MPDZ: variants seen among roughly 807,000 people sequenced by gnomAD.
The protein encoded by MPDZ is multiple PDZ domain protein.
Under a neutral mutation model 239.1 loss-of-function variants are expected in MPDZ, and 234 were observed. The ratio of observed to expected loss-of-function variants is 0.98; its 90% CI spans 0.88 to 1.09. MPDZ has a LOEUF of 1.09. MPDZ is among the 50% of genes least tolerant of loss of function. The probability of loss-of-function intolerance (pLI) is 0.00; values close to 1 mark genes in which losing one functional copy is unlikely to be tolerated. For missense variants in MPDZ, 3,175 were observed against 2,510.0 expected (o/e 1.26, Z -5.66); for synonymous variants, 1,048 against 881.3 (o/e 1.19, Z -3.35).
rs1941527892 is a variant in MPDZ, at chr9:13,106,819, A to G, written c.*146T>C. Reference sequence around the variant, plus strand: ...TTGTCAGTAAGGAAAGCATTTCTAGATGAGAAAAAGAAACTTAAGTGTTAT... The same window carrying G: ...TTGTCAGTAAGGAAAGCATTTCTAGGTGAGAAAAAGAAACTTAAGTGTTAT... On this transcript the variant is annotated 3_prime_UTR_variant, in exon 47 of 47. Transcript: ENST00000319217. 1.2e-6 allele frequency: 1 copy of G among 827,170 alleles called. No individual in the cohort carries two copies. The highest frequency in any genetic ancestry group is 2.6e-5 in the Admixed American group (1 of 38,830). 51.2% of individuals were successfully genotyped at this position (827,170 alleles called of 1,614,324 possible). A position where few individuals can be genotyped will look rare whatever the true frequency, so the allele number is the denominator to read the frequency against.
chr9:13,176,761 T>C (rs1329521822), intron 19 of MPDZ, among the ~76,000 whole-genome samples: 2 of 152,150 alleles, frequency 1.3e-5, no homozygotes, highest in East Asian at 1.9e-4. Context: ...GCAAGTAGCA[T>C]ACTTCCAAAT....
At chr9:13,152,501 G>C (rs1587298190) in intron 24 of MPDZ, among the ~76,000 whole-genome samples, 1 of 152,202 alleles carries the variant, frequency 6.6e-6, no homozygotes, top group East Asian at 1.9e-4. Context: ...TCTCTTGTCT[G>C]CCACCATGTG....
chr9:13,257,020 A>C (rs1303612947), intron 1 of MPDZ, among the ~76,000 whole-genome samples: 2 of 152,192 alleles, frequency 1.3e-5, no homozygotes, highest in African/African-American at 4.8e-5. Context: ...TGTATCCCCC[A>C]TGTTCCAAGG....
intron 12 of MPDZ, among the ~76,000 whole-genome samples, chr9:13,199,613 G>C (rs946593098): frequency 3.3e-5 from 5 of 151,922 alleles, no homozygotes; most frequent in African/African-American, 1.2e-4. Context: ...ACTTTTCTCT[G>C]TTCGGTATAT....
At chr9:13,237,158 G>A (rs966440161) in intron 3 of MPDZ, among the ~76,000 whole-genome samples, 3 of 151,802 alleles carry the variant, frequency 2.0e-5, no homozygotes, top group African/African-American at 7.3e-5. Context: ...AAAATGGTAA[G>A]CAGGCCAGGA....
At chr9:13,207,498 C>A (rs2135740422) in intron 10 of MPDZ, among the ~76,000 whole-genome samples, 1 of 152,312 alleles carries the variant, frequency 6.6e-6, no homozygotes, top group Admixed American at 6.5e-5. Context: ...CCTGTTACCT[C>A]AGCCTGGACT....
chr9:13,208,232 C>A (rs1476391644), intron 10 of MPDZ, among the ~76,000 whole-genome samples: 1 of 152,098 alleles, frequency 6.6e-6, no homozygotes, highest in Non-Finnish European at 1.5e-5. Flanking sequence ...CTGCTTGAGC[C>A]CAACAGTTTG....
chr9:13,271,661 C>G (rs536080322), intron 1 of MPDZ, among the ~76,000 whole-genome samples: 1 of 152,300 alleles, frequency 6.6e-6, no homozygotes, highest in African/African-American at 2.4e-5. Context: ...AATTCACAGG[C>G]CTCACTTATA....
chr9:13,211,093 T>G (rs1055060183), intron 10 of MPDZ, among the ~76,000 whole-genome samples: 7 of 152,108 alleles, frequency 4.6e-5, no homozygotes, highest in Non-Finnish European at 8.8e-5. Flanking sequence ...ATAGCGGGCT[T>G]CTAATATGCC....
intron 22 of MPDZ, chr9:13,165,618 G>C: frequency 2.3e-6 from 1 of 443,750 alleles, no homozygotes; most frequent in South Asian, 5.8e-5. Flanking sequence ...TTATTAACAA[G>C]CATGAAAAAA....
At chr9:13,152,064 T>C (rs1459619626) in intron 24 of MPDZ, among the ~76,000 whole-genome samples, 1 of 152,054 alleles carries the variant, frequency 6.6e-6, no homozygotes, top group Non-Finnish European at 1.5e-5. Context: ...ATATATTAAG[T>C]AATCAAAAAA....
At position 13,176,396 on chromosome 9, in the gene MPDZ, C is replaced by T; in HGVS notation, c.2671G>A (p.Asp891Asn). The T allele has an allele frequency of 1.3e-6, 2 of 1,575,280 alleles. No homozygotes were observed. The highest frequency in any genetic ancestry group is 1.7e-6 in the Non-Finnish European group (2 of 1,160,278). Residue 891 changes from aspartate to asparagine, a missense_variant, in exon 20 of 47, where the codon GAT (aspartate) becomes AAT (asparagine). Physicochemically the swap from Asp to Asn is conservative, Grantham distance 23 (BLOSUM62 1). Transcript: ENST00000319217. ...GACATATGCAGATCAAGTACTGGAT[C>T]ACAAGAATTTTCAATAACATCCTGG... is the stretch of plus-strand genomic sequence containing the variant. ...PPKDVIENSC[D>N]PVLDLHMSLE...
intron 26 of MPDZ, 44 bp from the exon 27 acceptor site, chr9:13,143,608 T>TGAA (rs544316446): frequency 1.7e-4 from 254 of 1,494,322 alleles, no homozygotes; most frequent in Non-Finnish European, 2.3e-4. Context: ...GGAAATGTAT[T>TGAA]GAAAACAACT....
intron 1 of MPDZ, among the ~76,000 whole-genome samples, chr9:13,264,749 T>G (rs2138936616): frequency 6.6e-6 from 1 of 152,264 alleles, no homozygotes; most frequent in South Asian, 2.1e-4. Context: ...TACTTTTCAT[T>G]CATAATGTTC....
At chr9:13,244,131 A>G (rs1271461319) in intron 3 of MPDZ, among the ~76,000 whole-genome samples, 1 of 152,214 alleles carries the variant, frequency 6.6e-6, no homozygotes, top group African/African-American at 2.4e-5. Context: ...CAGGGTAAAA[A>G]GATTAATTTA....
At chr9:13,151,120 G>A (rs777262596) in intron 24 of MPDZ, among the ~76,000 whole-genome samples, 6 of 151,822 alleles carry the variant, frequency 4.0e-5, no homozygotes, top group Non-Finnish European at 7.4e-5. Context: ...ACATCCAACA[G>A]GATGGCTACT....
At chr9:13,195,978 G>T in intron 13 of MPDZ, 143 bp downstream of exon 13, 3 of 514,110 alleles carry the variant, frequency 5.8e-6, no homozygotes, top group Non-Finnish European at 1.0e-5. Context: ...TTATTACCTG[G>T]ATCACCATAT....
At chr9:13,175,305 A>C (rs1952317865) in intron 21 of MPDZ, among the ~76,000 whole-genome samples, 1 of 152,218 alleles carries the variant, frequency 6.6e-6, no homozygotes, top group African/African-American at 2.4e-5. Flanking sequence ...TGGTGGTGGC[A>C]CACCTGGTTG....
chr9:13,117,937 C>T (rs769786709), intron 39 of MPDZ, among the ~76,000 whole-genome samples: 46 of 151,464 alleles, frequency 3.0e-4, no homozygotes, highest in African/African-American at 1.0e-3. Context: ...CTCTGCCTCC[C>T]GGGTTCAGGC....
Sources: allele counts gnomAD v4.1 joint callset (sites outside exome capture counted in the v4.1 genomes callset), GRCh38; gene constraint gnomAD v4.1.1; transcripts MANE v1.5; gene names NCBI Gene and HGNC (gene_info 2026-07-23, HGNC 2026-07-21).